The following AGBL1 variants were observed in gnomAD, a reference collection of about 807,000 sequenced individuals.
The protein encoded by AGBL1 is cytosolic carboxypeptidase 4.
A neutral mutation model predicts 118.9 loss-of-function variants in AGBL1; 130 were observed. That is an observed-to-expected ratio of 1.09 (90% CI 0.95 to 1.26). The LOEUF (loss-of-function observed/expected upper bound fraction) is 1.26. Ranked by LOEUF, AGBL1 falls within the 50% of genes most tolerant of loss-of-function variation. The pLI is 0.00. For missense variants in AGBL1, 1,584 were observed against 1,298.1 expected (o/e 1.22, Z -3.38); for synonymous variants, 555 against 478.9 (o/e 1.16, Z -2.08).
At chr15:87,000,431 C>T (rs2081424344) in intron 24 of AGBL1, among the ~76,000 whole-genome samples, 1 of 126,464 alleles carries the variant, frequency 7.9e-6, no homozygotes, top group South Asian at 2.8e-4. Flanking sequence ...GATCCAGTTT[C>T]AGCTTTCTAC....
intron 21 of AGBL1, among the ~76,000 whole-genome samples, chr15:86,619,848 C>T (rs2142407898): frequency 6.6e-6 from 1 of 152,294 alleles, no homozygotes; most frequent in East Asian, 1.9e-4. Flanking sequence ...ATATGCTAAG[C>T]TTCAAAGGAA....
chr15:86,549,504 G>A (rs971789005), intron 20 of AGBL1, among the ~76,000 whole-genome samples: 1 of 151,822 alleles, frequency 6.6e-6, no homozygotes, highest in Non-Finnish European at 1.5e-5. Context: ...ATTAATCCAG[G>A]AAAGTAGTTA....
chr15:86,820,855 A>C (rs2078932355), intron 22 of AGBL1, among the ~76,000 whole-genome samples: 1 of 152,238 alleles, frequency 6.6e-6, no homozygotes, highest in Non-Finnish European at 1.5e-5. Context: ...ATTATAAATC[A>C]TTCTACTTTA....
intron 18 of AGBL1, among the ~76,000 whole-genome samples, chr15:86,408,320 G>A (rs116149031): frequency 1.4e-4 from 21 of 152,282 alleles, no homozygotes; most frequent in African/African-American, 5.1e-4. Flanking sequence ...CTCATTCCAA[G>A]GTTTCAGCTC....
At chr15:86,748,602 T>G (rs1348839622) in intron 22 of AGBL1, among the ~76,000 whole-genome samples, 1 of 141,624 alleles carries the variant, frequency 7.1e-6, no homozygotes, top group Non-Finnish European at 1.5e-5. Context: ...ATGTCCTGAA[T>G]GGTAATGCCT....
Position 86,401,017 on chromosome 15 carries a change from G to A in AGBL1, c.2555+3471G>A, listed in dbSNP as rs145347369. ...GGATTGAATGGTAGTTCTACTTTTA[G>A]TTCTTTAAGGAATCTCCATACTGTT... is the stretch of plus-strand genomic sequence containing the variant. On this transcript the variant is annotated intron_variant, in intron 18 of 22. Transcript: ENST00000614907. 8.1e-4 allele frequency among the ~76,000 whole-genome samples: 124 copies of A among 152,180 alleles called. No individual in the cohort carries two copies. The East Asian group carries it at 0.023, about 28-fold the overall frequency.
At chr15:86,872,730 TG>T (rs2079747513) in intron 22 of AGBL1, among the ~76,000 whole-genome samples, 1 of 152,190 alleles carries the variant, frequency 6.6e-6, no homozygotes, top group Non-Finnish European at 1.5e-5. Flanking sequence ...CACTCCAGCC[TG>T]GGCGACAGAG....
intron 22 of AGBL1, among the ~76,000 whole-genome samples, chr15:86,814,944 G>T (rs559708552): frequency 6.6e-6 from 1 of 152,230 alleles, no homozygotes; most frequent in South Asian, 2.1e-4. Flanking sequence ...AGAAATGTAC[G>T]AATAAATGTT....
chr15:86,340,182 A>G (rs79768016), intron 17 of AGBL1, among the ~76,000 whole-genome samples: 3,760 of 151,746 alleles, frequency 0.025, 66 homozygotes, highest in Middle Eastern at 0.065. Context: ...TTGTGTGATG[A>G]GTGATTTTTT....
rs2084706746 is a variant in AGBL1 at position 86,615,359 on chromosome 15, C to T, written c.2995-58914C>T. Among the ~76,000 whole-genome samples, 1 of 152,126 alleles carries T rather than the reference C, an allele frequency of 6.6e-6. No homozygotes were observed. Among genetic ancestry groups the T allele is most frequent in the African/African-American group, 2.4e-5 (1 of 41,426 alleles). ...TGGGATATGGGAACACATCTGAGAG[C>T]TCTTCAGGAGTAGGTTTGATGCAGG... is the stretch of plus-strand genomic sequence containing the variant. On this transcript the variant is annotated intron_variant, in intron 21 of 22. Coordinates refer to ENST00000614907, the MANE Select transcript of AGBL1 (RefSeq NM_001386094.1). The surrounding 1 kb of genome is among the most constrained non-coding windows in gnomAD (Gnocchi z 4.3).
At chr15:86,485,819 G>T (rs1211759865) in intron 18 of AGBL1, among the ~76,000 whole-genome samples, 1 of 152,068 alleles carries the variant, frequency 6.6e-6, no homozygotes, top group Non-Finnish European at 1.5e-5. Context: ...TTCTGATCCA[G>T]GTGGCCTGCA....
intron 1 of AGBL1, among the ~76,000 whole-genome samples, chr15:86,097,940 C>T (rs1896483874): frequency 6.6e-6 from 1 of 152,052 alleles, no homozygotes; most frequent in African/African-American, 2.4e-5. Flanking sequence ...CCACCAAATG[C>T]ATATGAGTTA....
chr15:86,391,135 C>A (rs138982861), intron 17 of AGBL1, among the ~76,000 whole-genome samples: 4 of 151,762 alleles, frequency 2.6e-5, no homozygotes, highest in Non-Finnish European at 5.9e-5. Flanking sequence ...TTATCATGAT[C>A]ATTTGATTTT....
chr15:86,257,936 C>T (rs562690374), intron 8 of AGBL1, 28 bp from the exon 9 acceptor site: 1 of 1,607,674 alleles, frequency 6.2e-7, no homozygotes, highest in Admixed American at 1.7e-5. Context: ...GGAAACTTCA[C>T]TTATTTCACC....
At chr15:86,810,659 T>G (rs1000410600) in intron 22 of AGBL1, among the ~76,000 whole-genome samples, 1 of 152,236 alleles carries the variant, frequency 6.6e-6, no homozygotes, top group Non-Finnish European at 1.5e-5. Context: ...TTCAGAGTTC[T>G]CTCTGTACTG....
chr15:86,588,323 G>A (rs943835971), intron 21 of AGBL1, among the ~76,000 whole-genome samples: 3 of 152,148 alleles, frequency 2.0e-5, no homozygotes, highest in Admixed American at 2.0e-4. Context: ...CTCTTACACA[G>A]TTGATCTCCT....
rs751257172 is a variant in AGBL1 at position 86,264,496 on chromosome 15, T to G, written c.1325T>G (p.Val442Gly). Residue 442 changes from valine to glycine, a missense_variant, in exon 11 of 23, where the codon GTG becomes GGG. Physicochemically the swap from Val to Gly is moderately radical, Grantham distance 109. Transcript: ENST00000614907. Reference protein sequence around the residue: ...KNPGVNLYQNVQSNSLRRDSS... With the variant: ...KNPGVNLYQNGQSNSLRRDSS... ...CCTGGAGTGAACCTGTACCAAAATG[T>G]GCAATCCAATAGTCTCAGGAGAGAT... is the stretch of plus-strand genomic sequence containing the variant. The G allele has an allele frequency of 1.2e-6, 2 of 1,614,054 alleles. No homozygotes were observed. Among genetic ancestry groups the G allele is most frequent in the Admixed American group, 1.7e-5 (1 of 60,028 alleles).
chr15:86,623,533 C>T (rs1312246245), intron 21 of AGBL1, among the ~76,000 whole-genome samples: 1 of 152,230 alleles, frequency 6.6e-6, no homozygotes, highest in East Asian at 1.9e-4. Flanking sequence ...ACTACCCAAA[C>T]TGTCCTCCAA....
rs1463013697 is a variant in AGBL1, at chr15:86,841,357, T to C, written c.3159-65730T>C. 5.9e-5 allele frequency among the ~76,000 whole-genome samples: 9 copies of C among 152,138 alleles called. No individual in the cohort carries two copies. The South Asian group carries it at 1.0e-3, about 18-fold the overall frequency. The stretch of plus-strand genomic sequence containing the variant: ...GGGGCAGTGAGGGAAAATGATGAAA[T>C]AGGTGCACAATTCTATTTGGAAAAA... On this transcript the variant is annotated intron_variant, in intron 22 of 22. Transcript: ENST00000614907.
Sources: allele counts gnomAD v4.1 joint callset (sites outside exome capture counted in the v4.1 genomes callset), GRCh38; gene constraint gnomAD v4.1.1; non-coding constraint Gnocchi (gnomAD v3.1); transcripts MANE v1.5; gene names NCBI Gene and HGNC (gene_info 2026-07-23, HGNC 2026-07-21).